PIAS1: variants seen among roughly 807,000 people sequenced by gnomAD.
PIAS1 encodes the protein protein inhibitor of activated STAT 1, also known as E3 SUMO-protein ligase PIAS1.
Under a neutral mutation model 71.3 loss-of-function variants are expected in PIAS1, and 6 were observed. The ratio of observed to expected loss-of-function variants is 0.08; its 90% CI spans 0.05 to 0.17. The LOEUF is 0.17. Among genes scored for constraint, PIAS1 ranks in the 10% least tolerant of loss-of-function variants. PIAS1 has a pLI of 1.00. For missense variants in PIAS1, 555 were observed against 793.6 expected, an observed-to-expected ratio of 0.70 and a Z score of 3.61; for synonymous variants, 303 against 292.9, an observed-to-expected ratio of 1.03 and a Z score of -0.35.
intron 2 of PIAS1, among the ~76,000 whole-genome samples, chr15:68,132,874 T>G (rs1005184055): frequency 6.6e-6 from 1 of 152,300 alleles, no homozygotes. Context: ...ACGTAAAAAT[T>G]AACTAGAAAA....
chr15:68,166,129 C>A (rs943354411), intron 8 of PIAS1, among the ~76,000 whole-genome samples: 1 of 152,070 alleles, frequency 6.6e-6, no homozygotes, highest in African/African-American at 2.4e-5. Flanking sequence ...TAATTAAAAT[C>A]ATCAAATTGT....
chr15:68,115,143 T>A (rs1451915243), intron 2 of PIAS1, among the ~76,000 whole-genome samples: 4 of 152,162 alleles, frequency 2.6e-5, no homozygotes, highest in African/African-American at 4.8e-5. Flanking sequence ...ATGAAGGACA[T>A]CTTGGTTGCT....
chr15:68,054,524 C>CCGCG lies in PIAS1; in HGVS notation c.24+175_24+178dup. On this transcript the variant is annotated intron_variant, in intron 1 of 13. Transcript: ENST00000249636. The surrounding 1 kb of genome is among the most constrained non-coding windows in gnomAD (Gnocchi z 4.6). ...GCAGAGGGGGCCCGCCTGCGGCGGG[C>CCGCG]CGCGGGCCCCGGGTGCCTCGGGGGC... The CCGCG allele has an allele frequency of 3.6e-6, 2 of 561,630 alleles. No individual in the cohort carries two copies. Among genetic ancestry groups the CCGCG allele is most frequent in the Non-Finnish European group, 6.0e-6 (2 of 334,024 alleles). The allele number at this position is 561,630 out of a possible 1,614,324, so 34.8% of individuals were successfully genotyped here.
chr15:68,188,027 A>G lies in PIAS1; in HGVS notation c.*192A>G, dbSNP rs2093099477. 1 of 475,758 alleles carries G rather than the reference A, an allele frequency of 2.1e-6. No individual in the cohort carries two copies. The highest frequency in any genetic ancestry group is 3.7e-6 in the Non-Finnish European group (1 of 269,586). 29.5% of individuals were successfully genotyped at this position (475,758 alleles called of 1,614,324 possible). On this transcript the variant is annotated 3_prime_UTR_variant, in exon 14 of 14. Transcript: ENST00000249636. ...TATATTTTCAGTTTTACTTTTGTAT[A>G]TAAATCTAAGACTGCCTGTGTGATA...
At position 68,145,816 on chromosome 15, in the gene PIAS1, G is replaced by T; in HGVS notation, c.603G>T (p.Arg201Ser). Residue 201 changes from arginine (R) to serine (S), a missense_variant and splice_region_variant, in exon 5 of 14, where the codon AGG becomes AGT. By Grantham distance (110) the Arg-to-Ser change is moderately radical. Coordinates refer to ENST00000249636, the MANE Select transcript of PIAS1 (RefSeq NM_016166.3). ...ATTAAACTTGTCCTTTATTGTTTAG[G>T]TTTTGTTTATCAGAAACCAGTTGTC... ...KCDFTVQVQLRFCLSETSCPQ... is the reference protein window; with the variant it reads ...KCDFTVQVQLSFCLSETSCPQ... 1 of 1,582,712 alleles carries T rather than the reference G, an allele frequency of 6.3e-7. No homozygotes were observed. The highest frequency in any genetic ancestry group is 8.7e-7 in the Non-Finnish European group (1 of 1,152,166).
chr15:68,128,732 G>A (rs912425940), intron 2 of PIAS1, among the ~76,000 whole-genome samples: 4 of 152,100 alleles, frequency 2.6e-5, no homozygotes, highest in African/African-American at 9.7e-5. Flanking sequence ...TTTCTCTGAA[G>A]GGTCTGTTCC....
intron 2 of PIAS1, among the ~76,000 whole-genome samples, chr15:68,088,228 GTATC>G (rs1271269620): frequency 9.2e-6 from 1 of 109,146 alleles, no homozygotes; most frequent in Non-Finnish European, 1.8e-5. Flanking sequence ...GGCCATATCT[GTATC>G]TATCCATATC....
intron 2 of PIAS1, among the ~76,000 whole-genome samples, chr15:68,118,050 G>T (rs1159674241): frequency 1.3e-5 from 2 of 152,152 alleles, no homozygotes; most frequent in Non-Finnish European, 2.9e-5. Flanking sequence ...GAGTAGGCCA[G>T]GTGCAGTGGC....
intron 7 of PIAS1, among the ~76,000 whole-genome samples, chr15:68,160,321 C>T (rs1208166013): frequency 1.3e-5 from 2 of 152,000 alleles, no homozygotes; most frequent in African/African-American, 4.8e-5. Context: ...CATTTTTTCC[C>T]CCACATAGAT....
rs1321859817 is a variant in PIAS1 at position 68,135,442 on chromosome 15, C to A, written c.470-6504C>A. On this transcript the variant is annotated intron_variant, in intron 2 of 13. Coordinates refer to ENST00000249636, the MANE Select transcript of PIAS1 (RefSeq NM_016166.3). ...GCTCCCCACCTCCCAGCAGGGGTGG[C>A]TGGGCAGAGGCGCCCCCCACCCCCC... 2.8e-4 allele frequency among the ~76,000 whole-genome samples: 9 copies of A among 32,118 alleles called. 2 individuals carry two copies. The highest frequency in any genetic ancestry group is 5.8e-4 in the African/African-American group (8 of 13,908). The allele number at this position is 32,118 out of a possible 152,430, so 21.1% of individuals were successfully genotyped here.
Position 68,054,442 on chromosome 15 carries a change from TCGGGCCTGACTCCACC to T in PIAS1, c.24+101_24+116del, listed in dbSNP as rs1413457040. 272 of 1,371,886 alleles carry T rather than the reference TCGGGCCTGACTCCACC, an allele frequency of 2.0e-4. 2 individuals carry two copies. In the East Asian group the frequency reaches 6.4e-3, roughly 32 times the overall value. 85.0% of individuals were successfully genotyped at this position (1,371,886 alleles called of 1,614,324 possible). A position where few individuals can be genotyped will look rare whatever the true frequency, so the allele number is the denominator to read the frequency against. On this transcript the variant is annotated intron_variant, in intron 1 of 13. Transcript: ENST00000249636. This position sits in a 1 kb window ranked among gnomAD's most constrained non-coding sequence, Gnocchi z 4.6. ...GATGGGTCCGACCCTGGGGGGCCTC[TCGGGCCTGACTCCACC>T]CGGGCCTGGAGTTGTAGGGAGAGAG...
At chr15:68,143,045 CTCTCCCTTATATA>C (rs1370885062) in intron 4 of PIAS1, among the ~76,000 whole-genome samples, 5 of 151,908 alleles carry the variant, frequency 3.3e-5, no homozygotes, top group Admixed American at 6.6e-5. Flanking sequence ...TGTATTATTT[CTCTCCCTTATATA>C]TCTCCCTTTT....
At chr15:68,160,415 G>A (rs1227715957) in intron 7 of PIAS1, among the ~76,000 whole-genome samples, 2 of 152,158 alleles carry the variant, frequency 1.3e-5, no homozygotes, top group Non-Finnish European at 1.5e-5. Context: ...AAAACCAATT[G>A]ACCATAGATG....
intron 1 of PIAS1, among the ~76,000 whole-genome samples, chr15:68,057,981 A>G (rs1459030857): frequency 2.0e-5 from 3 of 152,192 alleles, no homozygotes; most frequent in South Asian, 2.1e-4. Flanking sequence ...TGGCGAGTCC[A>G]TAGCTGATTA....
At position 68,180,925 on chromosome 15, in the gene PIAS1, C is replaced by G. The variant is rs183083085; in HGVS notation, c.1482-287C>G. Reference sequence around the variant, plus strand: ...GTGGCTCAACTGTACCTTTCTCTTGCATTTTGAAAGCATAGGTGATGATAT... The same window carrying G: ...GTGGCTCAACTGTACCTTTCTCTTGGATTTTGAAAGCATAGGTGATGATAT... On this transcript the variant is annotated intron_variant, in intron 11 of 13. Coordinates refer to ENST00000249636, the MANE Select transcript of PIAS1 (RefSeq NM_016166.3). 2.4e-4 allele frequency among the ~76,000 whole-genome samples: 37 copies of G among 152,302 alleles called. No homozygotes were observed. The East Asian group carries it at 3.5e-3, about 14-fold the overall frequency.
chr15:68,164,906 A>T (rs1217689969), intron 8 of PIAS1, 102 bp downstream of exon 8: 1 of 646,370 alleles, frequency 1.5e-6, no homozygotes, highest in Non-Finnish European at 2.7e-6. Flanking sequence ...CTTCTAAAAT[A>T]TGTCCACCAT....
chr15:68,155,574 A>G (rs1297049590), intron 7 of PIAS1, among the ~76,000 whole-genome samples: 2 of 152,120 alleles, frequency 1.3e-5, no homozygotes, highest in Non-Finnish European at 2.9e-5. Context: ...AGTTACAAAT[A>G]TGTTCTTTGT....
chr15:68,182,469 T>G (rs1403593117), intron 12 of PIAS1, among the ~76,000 whole-genome samples: 1 of 119,870 alleles, frequency 8.3e-6, no homozygotes, highest in East Asian at 2.2e-4. Context: ...TGTCGGAGTT[T>G]TGCTCTTATT....
At chr15:68,134,962 G>GGCA (rs1567057862) in intron 2 of PIAS1, among the ~76,000 whole-genome samples, 1 of 41,386 alleles carries the variant, frequency 2.4e-5, no homozygotes, top group Non-Finnish European at 9.8e-5. Flanking sequence ...CGGCCGGCCG[G>GGCA]GGGGGCTAAC....
Sources: gnomAD v4.1 joint callset for allele counts (sites outside exome capture counted in the v4.1 genomes callset) on GRCh38, gnomAD v4.1.1 for gene constraint, Gnocchi (gnomAD v3.1) non-coding constraint, MANE v1.5 for transcripts, NCBI Gene and HGNC (gene_info 2026-07-23, HGNC 2026-07-21) for gene names.